NSRP1: variants seen among roughly 807,000 people sequenced by gnomAD.
NSRP1 encodes the protein nuclear speckle splicing regulatory protein 1.
In NSRP1, 24 loss-of-function variants were observed where a neutral mutation model predicts 54.7. The observed-to-expected ratio is 0.44, with a 90% confidence interval of 0.32 to 0.62. The LOEUF is 0.62. Among genes scored for constraint, NSRP1 ranks in the 20% least tolerant of loss-of-function variants. The pLI, the probability that NSRP1 is intolerant of heterozygous loss-of-function variation, is 0.06. For missense variants in NSRP1, 596 were observed against 651.2 expected, an observed-to-expected ratio of 0.92 and a Z score of 0.92; for synonymous variants, 210 against 213.8, an observed-to-expected ratio of 0.98 and a Z score of 0.15.
chr17:30,165,358 G>A (rs934100919), intron 2 of NSRP1, among the ~76,000 whole-genome samples: 5 of 152,156 alleles, frequency 3.3e-5, no homozygotes, highest in Non-Finnish European at 1.5e-5. Flanking sequence ...TAAGCAGTGT[G>A]GGTGTACCAG....
chr17:30,136,162 C>T (rs2071749322), intron 2 of NSRP1, among the ~76,000 whole-genome samples: 2 of 151,920 alleles, frequency 1.3e-5, no homozygotes. Context: ...GACCCTGTCT[C>T]AAAATTAAAA....
At chr17:30,181,714 G>A (rs758708501) in intron 6 of NSRP1, among the ~76,000 whole-genome samples, 7 of 151,496 alleles carry the variant, frequency 4.6e-5, no homozygotes, top group Non-Finnish European at 8.8e-5. Context: ...AAGTTCAAGG[G>A]ATTCTCGTGC....
chr17:30,146,536 T>C (rs1272135089), intron 2 of NSRP1, among the ~76,000 whole-genome samples: 4 of 152,084 alleles, frequency 2.6e-5, no homozygotes, highest in Non-Finnish European at 5.9e-5. Context: ...TCCTAGACTT[T>C]ATGAGGTAAT....
intron 3 of NSRP1, chr17:30,177,830 A>G (rs984085489): frequency 7.4e-6 from 4 of 540,570 alleles, no homozygotes; most frequent in African/African-American, 5.8e-5. Context: ...TCTCTTCTAG[A>G]TGAGGAAATT....
chr17:30,151,645 G>A (rs2071911370), intron 2 of NSRP1, among the ~76,000 whole-genome samples: 1 of 152,224 alleles, frequency 6.6e-6, no homozygotes, highest in South Asian at 2.1e-4. Flanking sequence ...TGGAGGAGGT[G>A]AAAGGTGAGG....
At chr17:30,118,545 G>C (rs931650363) in intron 2 of NSRP1, among the ~76,000 whole-genome samples, 1 of 152,114 alleles carries the variant, frequency 6.6e-6, no homozygotes, top group Admixed American at 6.5e-5. Context: ...CTATATAACA[G>C]TTCTTAACAA....
At chr17:30,180,780 C>T in intron 5 of NSRP1, 128 bp from the exon 6 acceptor site, 1 of 593,204 alleles carries the variant, frequency 1.7e-6, no homozygotes, top group East Asian at 3.0e-5. Context: ...CCAGATTTGG[C>T]CTGCAGTTTG....
chr17:30,180,816 T>TAC, intron 5 of NSRP1, 92 bp from the exon 6 acceptor site: 1 of 804,286 alleles, frequency 1.2e-6, no homozygotes, highest in Non-Finnish European at 2.1e-6. Context: ...GCGAGTAGTT[T>TAC]ACACACTGTA....
chr17:30,176,000 ACC>A (rs61542606), intron 3 of NSRP1, among the ~76,000 whole-genome samples: 74,182 of 144,902 alleles, frequency 0.51, 18,949 homozygotes, highest in East Asian at 0.82. Flanking sequence ...AAGACTCCGA[ACC>A]CCCCCCCCAA....
chr17:30,185,995 T>G lies in NSRP1; in HGVS notation c.*321T>G. 5.7e-6 allele frequency: 1 copy of G among 174,468 alleles called. No individual in the cohort carries two copies. Among genetic ancestry groups the G allele is most frequent in the Non-Finnish European group, 1.2e-5 (1 of 83,448 alleles). The allele number at this position is 174,468 out of a possible 1,614,324, so 10.8% of individuals were successfully genotyped here. ...CCATTAAAAAATAATTTTGGCCAGA[T>G]ACGGTAGCTCGTGCCTGTAATACCA... On this transcript the variant is annotated 3_prime_UTR_variant, in exon 7 of 7. Transcript: ENST00000247026.
intron 3 of NSRP1, among the ~76,000 whole-genome samples, chr17:30,177,560 G>A (rs910129346): frequency 2.0e-5 from 3 of 151,990 alleles, no homozygotes; most frequent in African/African-American, 4.8e-5. Context: ...GAGATGGAAG[G>A]AACATGATAA....
chr17:30,159,691 C>T (rs1904440925), intron 2 of NSRP1, among the ~76,000 whole-genome samples: 1 of 152,102 alleles, frequency 6.6e-6, no homozygotes, highest in Non-Finnish European at 1.5e-5. Context: ...TGAAGTCTCA[C>T]TCTGTTGCCC....
chr17:30,171,179 T>C (rs1283406212), intron 2 of NSRP1, among the ~76,000 whole-genome samples: 1 of 152,170 alleles, frequency 6.6e-6, no homozygotes, highest in Non-Finnish European at 1.5e-5. Context: ...TCTAATGTCA[T>C]ATCTCTTTTG....
At chr17:30,153,950 G>C (rs942138948) in intron 2 of NSRP1, among the ~76,000 whole-genome samples, 1 of 152,204 alleles carries the variant, frequency 6.6e-6, no homozygotes, top group African/African-American at 2.4e-5. Flanking sequence ...AGTCATTTCA[G>C]AAAGTTGTAT....
chr17:30,134,898 CAT>C (rs2151883354), intron 2 of NSRP1, among the ~76,000 whole-genome samples: 1 of 152,264 alleles, frequency 6.6e-6, no homozygotes, highest in South Asian at 2.1e-4. Context: ...TGCTTTTTAT[CAT>C]GTGAAATTAC....
rs537936304 is a variant in NSRP1, at chr17:30,146,748, G to A, written c.115-25794G>A. ...CCTCCCGAGTAGCTGGGATTTAGAG[G>A]CGTGCAGCACCATGCCCAGCTAATT... On this transcript the variant is annotated intron_variant, in intron 2 of 6. Transcript: ENST00000247026. 2.6e-5 allele frequency among the ~76,000 whole-genome samples: 4 copies of A among 152,240 alleles called. No individual in the cohort carries two copies. The South Asian group carries it at 6.2e-4, about 24-fold the overall frequency.
chr17:30,127,184 A>G (rs2071657597), intron 2 of NSRP1, among the ~76,000 whole-genome samples: 1 of 152,216 alleles, frequency 6.6e-6, no homozygotes, highest in Non-Finnish European at 1.5e-5. Flanking sequence ...CAGATATTTA[A>G]TGAGTGTTAA....
At position 30,185,735 on chromosome 17, in the gene NSRP1, G is replaced by T; in HGVS notation, c.*61G>T. On this transcript the variant is annotated 3_prime_UTR_variant, in exon 7 of 7. Transcript: ENST00000247026. ...AAAACTGTAATTCCTGGAACCTGCT[G>T]CGTAAAACCATAAAGGAGTGTGTTA... 1 of 1,486,860 alleles carries T rather than the reference G, an allele frequency of 6.7e-7. No homozygotes were observed. Among genetic ancestry groups the T allele is most frequent in the Non-Finnish European group, 9.0e-7 (1 of 1,115,954 alleles). The allele number at this position is 1,486,860 out of a possible 1,614,324, so 92.1% of individuals were successfully genotyped here. A position where few individuals can be genotyped will look rare whatever the true frequency, so the allele number is the denominator to read the frequency against.
chr17:30,141,171 A>T (rs1159106893), intron 2 of NSRP1, among the ~76,000 whole-genome samples: 1 of 151,720 alleles, frequency 6.6e-6, no homozygotes, highest in Non-Finnish European at 1.5e-5. Context: ...CTATTTTATT[A>T]CTTTTTTCTT....
Sources: gnomAD v4.1 joint callset for allele counts (sites outside exome capture counted in the v4.1 genomes callset) on GRCh38, gnomAD v4.1.1 for gene constraint, MANE v1.5 for transcripts, NCBI Gene and HGNC (gene_info 2026-07-23, HGNC 2026-07-21) for gene names.